The following NBAS variants were observed in gnomAD, a reference collection of about 807,000 sequenced individuals.
The protein encoded by NBAS is NAG/BC035112 fusion.
NBAS carries 219 observed loss-of-function variants against 302.5 expected under a neutral mutation model. The ratio of observed to expected loss-of-function variants is 0.72; its 90% CI spans 0.65 to 0.81. NBAS has a LOEUF of 0.81. Among genes scored for constraint, NBAS ranks in the 30% least tolerant of loss-of-function variants. The probability of loss-of-function intolerance (pLI) is 0.00; values close to 1 mark genes in which losing one functional copy is unlikely to be tolerated. For missense variants in NBAS, 2,932 were observed against 2,841.6 expected (o/e 1.03, Z -0.72); for synonymous variants, 1,118 against 1,021.6 (o/e 1.09, Z -1.80).
intron 48 of NBAS, among the ~76,000 whole-genome samples, chr2:15,198,324 A>G (rs753297391): frequency 6.6e-6 from 1 of 152,222 alleles, no homozygotes; most frequent in African/African-American, 2.4e-5. Context: ...TAACACATTC[A>G]ATCTGATAAA....
intron 28 of NBAS, among the ~76,000 whole-genome samples, chr2:15,384,567 G>C (rs559757617): frequency 3.3e-5 from 5 of 149,852 alleles, no homozygotes; most frequent in African/African-American, 1.2e-4. Context: ...AAATGTGAAT[G>C]AATGAATCTG....
At chr2:15,288,252 T>C (rs1670147439) in intron 41 of NBAS, among the ~76,000 whole-genome samples, 1 of 152,184 alleles carries the variant, frequency 6.6e-6, no homozygotes, top group Non-Finnish European at 1.5e-5. Flanking sequence ...AAACAAGCAT[T>C]TTTCTTGAGG....
At position 15,556,816 on chromosome 2, in the gene NBAS, C is replaced by T. The variant is rs112301580; in HGVS notation, c.176G>A (p.Arg59His). 21 of 1,610,116 alleles carry T rather than the reference C, an allele frequency of 1.3e-5. No homozygotes were observed. The highest frequency in any genetic ancestry group is 1.6e-4 in the Middle Eastern group (1 of 6,070). The change falls in exon 3 of 52, where the codon CGT becomes CAT. Residue 59 changes from arginine (R) to histidine (H), a missense_variant. Arg to His is a conservative substitution (Grantham distance 29, BLOSUM62 0). Transcript: ENST00000281513. ...SFIITKAIRD[R>H]LLFLRQYIWY... ...GATGTATTGGCGTAAAAATAATAAACGATCTGTAATCAAAAGAAATGGCAA... is the reference window on the plus strand; with the variant it reads ...GATGTATTGGCGTAAAAATAATAAATGATCTGTAATCAAAAGAAATGGCAA...
Position 15,530,886 on chromosome 2 carries a change from G to GA in NBAS, c.746+3656_746+3657insT, listed in dbSNP as rs541273720. Among the ~76,000 whole-genome samples the GA allele has an allele frequency of 9.3e-3, 1,377 of 148,040 alleles. 18 individuals carry two copies. Among genetic ancestry groups the GA allele is most frequent in the South Asian group, 0.028 (134 of 4,706 alleles). ...CATGGTCAAATTTCAGAACGCCAGGGGAAAAAAAAAGAAAATCTTAGATCT... is the reference window on the plus strand; with the variant it reads ...CATGGTCAAATTTCAGAACGCCAGGGAGAAAAAAAAAGAAAATCTTAGATCT... On this transcript the variant is annotated intron_variant, in intron 9 of 51. Transcript: ENST00000281513.
At chr2:15,540,966 C>T (rs1431723365) in intron 6 of NBAS, among the ~76,000 whole-genome samples, 4 of 151,984 alleles carry the variant, frequency 2.6e-5, no homozygotes, top group South Asian at 2.1e-4. Flanking sequence ...TCAAGTAATC[C>T]GCCCGCCTCA....
intron 51 of NBAS, among the ~76,000 whole-genome samples, chr2:15,177,165 G>C (rs141983538): frequency 2.0e-5 from 3 of 152,166 alleles, no homozygotes; most frequent in Non-Finnish European, 4.4e-5. Context: ...CGTTTCGTGC[G>C]CTATCATCAC....
the NBAS span, among the ~76,000 whole-genome samples, chr2:14,968,093 C>G: frequency 6.6e-6 from 1 of 152,138 alleles, no homozygotes; most frequent in Non-Finnish European, 1.5e-5. Flanking sequence ...CTGCCCTGCT[C>G]TCTGCAAAAA....
intron 32 of NBAS, among the ~76,000 whole-genome samples, chr2:15,358,529 C>G (rs181637539): frequency 6.6e-6 from 1 of 152,138 alleles, no homozygotes; most frequent in Non-Finnish European, 1.5e-5. Flanking sequence ...ACTGCAACCT[C>G]GACCTCCCAG....
chr2:15,330,484 T>A (rs191911803), intron 36 of NBAS, 114 bp downstream of exon 36: 4 of 1,381,634 alleles, frequency 2.9e-6, no homozygotes, highest in Middle Eastern at 1.8e-4. Flanking sequence ...TCTTAAGAGA[T>A]TGTTTTAACA....
chr2:14,780,016 G>T, the NBAS span, among the ~76,000 whole-genome samples: 1 of 152,086 alleles, frequency 6.6e-6, no homozygotes, highest in Non-Finnish European at 1.5e-5. Flanking sequence ...TGGGACCCCC[G>T]ATCTTAACCC....
chr2:14,970,053 TA>T, the NBAS span, among the ~76,000 whole-genome samples: 2 of 152,126 alleles, frequency 1.3e-5, no homozygotes, highest in African/African-American at 4.8e-5. Flanking sequence ...TTTAGAAAAA[TA>T]AACTTTAGAA....
the NBAS span, among the ~76,000 whole-genome samples, chr2:15,135,156 G>C: frequency 6.6e-6 from 1 of 152,136 alleles, no homozygotes; most frequent in Admixed American, 6.5e-5. Flanking sequence ...TGGCTCTTAC[G>C]CAATAGATTT....
At chr2:15,120,393 C>A in the NBAS span, among the ~76,000 whole-genome samples, 5 of 152,190 alleles carry the variant, frequency 3.3e-5, no homozygotes, top group African/African-American at 4.8e-5. Context: ...CAAGCCCACA[C>A]CTGCCACACT....
At chr2:14,865,245 A>G in the NBAS span, among the ~76,000 whole-genome samples, 12 of 152,084 alleles carry the variant, frequency 7.9e-5, no homozygotes, top group Non-Finnish European at 1.5e-4. Flanking sequence ...ATCACCTCCT[A>G]TAACATTAAA....
At chr2:15,362,315 C>CAG (rs1443135884) in intron 32 of NBAS, among the ~76,000 whole-genome samples, 23 of 110,280 alleles carry the variant, frequency 2.1e-4, no homozygotes, top group African/African-American at 6.8e-4. Flanking sequence ...TCATCTCTAC[C>CAG]AAAAAAAAAA....
At chr2:15,461,991 TA>T (rs1368577119) in intron 19 of NBAS, among the ~76,000 whole-genome samples, 200 bp from the exon 20 acceptor site, 1 of 152,264 alleles carries the variant, frequency 6.6e-6, no homozygotes, top group Non-Finnish European at 1.5e-5. Flanking sequence ...TAATAAATGT[TA>T]TTTTTTTAAT....
the NBAS span, among the ~76,000 whole-genome samples, chr2:15,048,705 G>A: frequency 6.6e-6 from 1 of 152,228 alleles, no homozygotes; most frequent in Admixed American, 6.5e-5. Context: ...TTCTTGCTGA[G>A]ACTACGCTCC....
intron 31 of NBAS, among the ~76,000 whole-genome samples, 164 bp downstream of exon 31, chr2:15,374,444 G>T (rs554447799): frequency 1.3e-5 from 2 of 151,752 alleles, no homozygotes; most frequent in Non-Finnish European, 2.9e-5. Context: ...TTTCTTTTGG[G>T]TTTCCACTTG....
In NBAS at chr2:15,308,148, C is replaced by T. The variant is rs903015719; in HGVS notation, c.4797+68G>A. Reference sequence around the variant, plus strand: ...AATCAGTTCCTCCAAAAATTAAACACGTGTTTTGAGTATTTTAGAAAAGGC... The same window carrying T: ...AATCAGTTCCTCCAAAAATTAAACATGTGTTTTGAGTATTTTAGAAAAGGC... On this transcript the variant is annotated intron_variant, in intron 40 of 51. Transcript: ENST00000281513. 104 of 1,605,040 alleles carry T rather than the reference C, an allele frequency of 6.5e-5. 1 individual carries two copies. The Admixed American group carries it at 9.7e-4, about 15-fold the overall frequency.
Sources: gnomAD v4.1 joint callset for allele counts (sites outside exome capture counted in the v4.1 genomes callset) on GRCh38, gnomAD v4.1.1 for gene constraint, MANE v1.5 for transcripts, NCBI Gene and HGNC (gene_info 2026-07-23, HGNC 2026-07-21) for gene names.